Variants in BTBD9 observed in about 807,000 individuals in gnomAD.
The protein encoded by BTBD9 is BTB/POZ domain-containing protein 9.
Under a neutral mutation model 64.3 loss-of-function variants are expected in BTBD9, and 49 were observed. That is an observed-to-expected ratio of 0.76 (90% CI 0.61 to 0.97). The LOEUF (loss-of-function observed/expected upper bound fraction) is 0.97, where lower values mean the gene tolerates loss of function less well. Among genes scored for constraint, BTBD9 ranks in the 50% least tolerant of loss-of-function variants. BTBD9 has a pLI of 0.00. For synonymous variants in BTBD9, 260 were observed against 274.7 expected, an observed-to-expected ratio of 0.95 and a Z score of 0.53; for missense variants, 598 against 762.1, an observed-to-expected ratio of 0.78 and a Z score of 2.53.
intron 9 of BTBD9, among the ~76,000 whole-genome samples, chr6:38,205,044 A>C (rs1468562211): frequency 6.6e-6 from 1 of 152,202 alleles, no homozygotes; most frequent in African/African-American, 2.4e-5. Flanking sequence ...AAATCAAATG[A>C]CAAAGATAAA....
intron 6 of BTBD9, among the ~76,000 whole-genome samples, chr6:38,428,810 T>G (rs1038545821): frequency 2.0e-5 from 3 of 151,224 alleles, no homozygotes; most frequent in African/African-American, 7.3e-5. Flanking sequence ...CCTCCCGGAT[T>G]CACGCCATTC....
chr6:38,561,507 C>T (rs966128622), intron 6 of BTBD9, among the ~76,000 whole-genome samples: 1 of 152,142 alleles, frequency 6.6e-6, no homozygotes, highest in Non-Finnish European at 1.5e-5. Flanking sequence ...ATGTTCATTG[C>T]AGCACTATTC....
intron 6 of BTBD9, among the ~76,000 whole-genome samples, chr6:38,454,802 TAAA>T (rs374754349): frequency 7.4e-6 from 1 of 135,692 alleles, no homozygotes. Flanking sequence ...CTCTGTCTCT[TAAA>T]AAAAAAAAAA....
In BTBD9 at chr6:38,399,791, G is replaced by A. The variant is rs138265825; in HGVS notation, c.1155-54698C>T. Among the ~76,000 whole-genome samples the A allele has an allele frequency of 6.5e-3, 992 of 151,890 alleles. 8 individuals carry two copies. The highest frequency in any genetic ancestry group is 0.023 in the African/African-American group (940 of 41,418). ...CTTGAGACAGAATTTCACTCTTGTT[G>A]CCCAGGCTGGAGTGCAACGGCGCAG... On this transcript the variant is annotated intron_variant, in intron 6 of 10. Transcript: ENST00000481247.
chr6:38,178,750 G>A (rs1490194541), intron 10 of BTBD9, among the ~76,000 whole-genome samples: 1 of 152,076 alleles, frequency 6.6e-6, no homozygotes, highest in Non-Finnish European at 1.5e-5. Flanking sequence ...AGGGTGTGGG[G>A]GGGAGGGGTG....
chr6:38,598,292 T>C (rs1466388590), intron 1 of BTBD9, among the ~76,000 whole-genome samples, 171 bp from the exon 2 acceptor site: 1 of 152,288 alleles, frequency 6.6e-6, no homozygotes. Flanking sequence ...GAATTCAGCC[T>C]GCTTCCCTTA....
At chr6:38,403,552 T>C (rs1321631380) in intron 6 of BTBD9, among the ~76,000 whole-genome samples, 1 of 152,188 alleles carries the variant, frequency 6.6e-6, no homozygotes, top group Non-Finnish European at 1.5e-5. Flanking sequence ...AGGATGGCTA[T>C]AATCAAAAAT....
intron 8 of BTBD9, among the ~76,000 whole-genome samples, chr6:38,282,121 T>C (rs1207491457): frequency 6.6e-6 from 1 of 152,130 alleles, no homozygotes. Context: ...TTAGGTGGAT[T>C]TGGTTAGTTA....
intron 9 of BTBD9, among the ~76,000 whole-genome samples, chr6:38,238,330 T>C (rs949715361): frequency 3.0e-4 from 46 of 152,314 alleles, no homozygotes; most frequent in African/African-American, 1.0e-3. Context: ...AAGATTTACA[T>C]TGGTTCCACC....
At chr6:38,198,590 T>C (rs963077147) in intron 9 of BTBD9, among the ~76,000 whole-genome samples, 3 of 152,182 alleles carry the variant, frequency 2.0e-5, no homozygotes, top group South Asian at 2.1e-4. Context: ...TCTGGAAAAC[T>C]ATGTGACTCT....
At chr6:38,403,139 GAAGAA>G (rs1052244428) in intron 6 of BTBD9, among the ~76,000 whole-genome samples, 15 of 151,618 alleles carry the variant, frequency 9.9e-5, no homozygotes, top group African/African-American at 3.6e-4. Context: ...GAAGAGAAGA[GAAGAA>G]AAGGAAAGGA....
At chr6:38,547,631 C>T (rs957356341) in intron 6 of BTBD9, among the ~76,000 whole-genome samples, 9 of 152,146 alleles carry the variant, frequency 5.9e-5, no homozygotes, top group Admixed American at 6.5e-5. Flanking sequence ...GGTCTCTGTA[C>T]GTGCTGTTCC....
chr6:38,286,738 C>T (rs1010709604), intron 8 of BTBD9, among the ~76,000 whole-genome samples: 1 of 152,078 alleles, frequency 6.6e-6, no homozygotes, highest in Non-Finnish European at 1.5e-5. Context: ...CTGAAAAATG[C>T]TTATCGCCTA....
At chr6:38,544,927 CAAAAAAAAAAAAAA>C (rs58694810) in intron 6 of BTBD9, among the ~76,000 whole-genome samples, 31 of 48,300 alleles carry the variant, frequency 6.4e-4, no homozygotes, top group African/African-American at 2.0e-3. Context: ...AACTACATCT[CAAAAAAAAAAAAAA>C]AAAAAAAAAA....
At chr6:38,256,016 T>A (rs1175050945) in intron 9 of BTBD9, among the ~76,000 whole-genome samples, 1 of 151,468 alleles carries the variant, frequency 6.6e-6, no homozygotes, top group Non-Finnish European at 1.5e-5. Context: ...CATGTATACC[T>A]ATGTATCAAA....
chr6:38,507,808 A>G (rs988522723), intron 6 of BTBD9, among the ~76,000 whole-genome samples: 8 of 151,652 alleles, frequency 5.3e-5, no homozygotes, highest in African/African-American at 1.9e-4. Context: ...AGTTACTATC[A>G]ATATGAAAAT....
At position 38,560,545 on chromosome 6, in the gene BTBD9, A is replaced by C. The variant is rs75484680; in HGVS notation, c.1154+17055T>G. The stretch of plus-strand genomic sequence containing the variant: ...TTTATATAAACATTTTTAAAACTAC[A>C]CAATATTTTGCTTTCCCTTTTTTGA... On this transcript the variant is annotated intron_variant, in intron 6 of 10. Coordinates refer to ENST00000481247, the MANE Select transcript of BTBD9 (RefSeq NM_001099272.2). Among the ~76,000 whole-genome samples the C allele has an allele frequency of 1.9e-3, 296 of 152,302 alleles. 6 individuals carry two copies. In the East Asian group the frequency reaches 0.037, roughly 19 times the overall value.
intron 6 of BTBD9, among the ~76,000 whole-genome samples, chr6:38,460,057 CAG>C (rs1348829406): frequency 6.6e-6 from 1 of 152,158 alleles, no homozygotes; most frequent in African/African-American, 2.4e-5. Flanking sequence ...GTCTATTTAA[CAG>C]AGTGGGAAGT....
chr6:38,466,714 G>T (rs922188261), intron 6 of BTBD9, among the ~76,000 whole-genome samples: 1 of 151,870 alleles, frequency 6.6e-6, no homozygotes, highest in Non-Finnish European at 1.5e-5. Context: ...AGTAGCTGGG[G>T]TTACACGTGC....
Sources: gnomAD v4.1 joint callset for allele counts (sites outside exome capture counted in the v4.1 genomes callset) on GRCh38, gnomAD v4.1.1 for gene constraint, MANE v1.5 for transcripts, NCBI Gene and HGNC (gene_info 2026-07-23, HGNC 2026-07-21) for gene names.